The following HDAC11 variants were observed in gnomAD, a reference collection of about 807,000 sequenced individuals.
The protein encoded by HDAC11 is histone deacetylase 11.
A neutral mutation model predicts 41.1 loss-of-function variants in HDAC11; 23 were observed. The ratio of observed to expected loss-of-function variants is 0.56; its 90% CI spans 0.40 to 0.79. HDAC11 has a LOEUF of 0.79. Among genes scored for constraint, HDAC11 ranks in the 30% least tolerant of loss-of-function variants. HDAC11 has a pLI of 0.00. For missense variants in HDAC11, 402 were observed against 477.3 expected (o/e 0.84, Z 1.47); for synonymous variants, 187 against 186.6 (o/e 1.00, Z -0.02).
At chr3:13,491,996 C>T (rs1436548769) in intron 3 of HDAC11, among the ~76,000 whole-genome samples, 2 of 152,242 alleles carry the variant, frequency 1.3e-5, no homozygotes, top group African/African-American at 4.8e-5. Context: ...ATTTCTAATA[C>T]ATTCTCAAGT....
rs1701302546 is a variant in HDAC11, at chr3:13,481,242, G to T, written c.3-4G>T. 2 of 1,611,506 alleles carry T rather than the reference G, an allele frequency of 1.2e-6. No individual in the cohort carries two copies. Among genetic ancestry groups the T allele is most frequent in the African/African-American group, 1.3e-5 (1 of 74,826 alleles). On this transcript the variant is annotated splice_polypyrimidine_tract_variant and splice_region_variant and intron_variant, in intron 1 of 9. Coordinates refer to ENST00000295757, the MANE Select transcript of HDAC11 (RefSeq NM_024827.4). ...CTGTGCGTCTGTCTTTTTCCACACG[G>T]TAGGCTACACACAACCCAGCTGTAC... is the stretch of plus-strand genomic sequence containing the variant.
At position 13,480,759 on chromosome 3, in the gene HDAC11, C is replaced by T. The variant is rs1203056508; in HGVS notation, c.2+410C>T. 3 of 471,142 alleles carry T rather than the reference C, an allele frequency of 6.4e-6. No homozygotes were observed. Among genetic ancestry groups the T allele is most frequent in the Non-Finnish European group, 1.3e-5 (3 of 229,272 alleles). The allele number at this position is 471,142 out of a possible 1,614,324, so 29.2% of individuals were successfully genotyped here. A position where few individuals can be genotyped will look rare whatever the true frequency, so the allele number is the denominator to read the frequency against. On this transcript the variant is annotated intron_variant, in intron 1 of 9. Transcript: ENST00000295757. The surrounding 1 kb of genome is among the most constrained non-coding windows in gnomAD (Gnocchi z 4.6). ...CAGCGGGGTCAGGGGATCCCCGCCC[C>T]CCGCCCTGGCTCAGGTTGGGTCCCG...
chr3:13,480,386 A>G lies in HDAC11; in HGVS notation c.2+37A>G. Reference sequence around the variant, plus strand: ...GGGGCGAGGGCGGGGGTGGGCTCCCAGGGGTCCCGGTGGGCGGGCGCGCTA... The same window carrying G: ...GGGGCGAGGGCGGGGGTGGGCTCCCGGGGGTCCCGGTGGGCGGGCGCGCTA... On this transcript the variant is annotated intron_variant, in intron 1 of 9. Transcript: ENST00000295757. The surrounding 1 kb of genome is among the most constrained non-coding windows in gnomAD (Gnocchi z 4.6). 1.8e-6 allele frequency: 2 copies of G among 1,139,784 alleles called. No individual in the cohort carries two copies. The highest frequency in any genetic ancestry group is 2.2e-6 in the Non-Finnish European group (2 of 915,434). The allele number at this position is 1,139,784 out of a possible 1,614,324, so 70.6% of individuals were successfully genotyped here.
intron 3 of HDAC11, among the ~76,000 whole-genome samples, chr3:13,484,315 G>A (rs1701462011): frequency 6.6e-6 from 1 of 152,176 alleles, no homozygotes; most frequent in African/African-American, 2.4e-5. Context: ...TACTTCTGCT[G>A]AAGTTTTGTT....
chr3:13,504,429 G>A (rs1359333328), intron 9 of HDAC11, 39 bp from the exon 10 acceptor site: 3 of 1,608,986 alleles, frequency 1.9e-6, no homozygotes, highest in Non-Finnish European at 2.5e-6. Context: ...CACCATGGGG[G>A]TCTGGCCTGC....
At chr3:13,498,643 G>GGA in intron 5 of HDAC11, 88 bp downstream of exon 5, 2 of 1,319,114 alleles carry the variant, frequency 1.5e-6, no homozygotes, top group Non-Finnish European at 2.2e-6. Context: ...GGAGGATCCT[G>GGA]GAGGTGGCAG....
At chr3:13,501,799 G>A in intron 6 of HDAC11, 72 bp from the exon 7 acceptor site, 1 of 1,418,908 alleles carries the variant, frequency 7.0e-7, no homozygotes, top group Non-Finnish European at 1.0e-6. Context: ...TCGCCAGCCA[G>A]CTGGGAGTTG....
Position 13,502,209 on chromosome 3 carries a change from G to C in HDAC11, c.552+276G>C. On this transcript the variant is annotated intron_variant, in intron 7 of 9. Transcript: ENST00000295757. The surrounding 1 kb of genome is among the most constrained non-coding windows in gnomAD (Gnocchi z 4.1). ...TCTGATGGGACTGCTCTCGTGTGCA[G>C]AGCTCTGCTGTGGGTCCCCATTGCT... is the stretch of plus-strand genomic sequence containing the variant. 3 of 456,012 alleles carry C rather than the reference G, an allele frequency of 6.6e-6. 1 individual carries two copies. Among genetic ancestry groups the C allele is most frequent in the Non-Finnish European group, 1.2e-5 (3 of 254,154 alleles). 28.2% of individuals were successfully genotyped at this position (456,012 alleles called of 1,614,324 possible). A position where few individuals can be genotyped will look rare whatever the true frequency, so the allele number is the denominator to read the frequency against.
intron 3 of HDAC11, among the ~76,000 whole-genome samples, chr3:13,493,510 G>C (rs1264793518): frequency 5.9e-5 from 9 of 152,248 alleles, no homozygotes; most frequent in Admixed American, 5.2e-4. Flanking sequence ...GAAATATGGA[G>C]AGTGTAACTG....
intron 5 of HDAC11, among the ~76,000 whole-genome samples, chr3:13,499,651 G>A (rs534486327): frequency 2.6e-5 from 4 of 152,276 alleles, no homozygotes; most frequent in Admixed American, 2.6e-4. Flanking sequence ...GTTGAGGGGA[G>A]CCCCACTCTG....
intron 3 of HDAC11, among the ~76,000 whole-genome samples, chr3:13,485,995 C>T (rs1272926898): frequency 1.3e-5 from 2 of 152,022 alleles, no homozygotes; most frequent in Non-Finnish European, 2.9e-5. Context: ...AGGCCGGGTG[C>T]AGTGACTCAT....
intron 1 of HDAC11, 69 bp from the exon 2 acceptor site, chr3:13,481,177 G>T: frequency 6.6e-7 from 1 of 1,525,252 alleles, no homozygotes; most frequent in Non-Finnish European, 8.8e-7. Flanking sequence ...CAGTCCAGGC[G>T]GGCTCGGGAG....
intron 3 of HDAC11, among the ~76,000 whole-genome samples, chr3:13,489,012 C>T (rs948698888): frequency 6.6e-6 from 1 of 152,140 alleles, no homozygotes; most frequent in South Asian, 2.1e-4. Flanking sequence ...GGCTAATTAA[C>T]ACTGAGGATC....
chr3:13,496,761 C>T lies in HDAC11; in HGVS notation c.278C>T (p.Thr93Ile). ...LKWSFAVATI[T>I]EIPPVIFLPN... ...TGGTCCTTTGCTGTTGCTACCATCA[C>T]AGAAATCCCCCCCGTTATCTTCCTC... Residue 93 changes from threonine to isoleucine, a missense_variant, in exon 4 of 10, where the codon ACA becomes ATA. By Grantham distance (89) the Thr-to-Ile change is moderately conservative. Coordinates refer to ENST00000295757, the MANE Select transcript of HDAC11 (RefSeq NM_024827.4). 6.2e-7 allele frequency: 1 copy of T among 1,607,554 alleles called. No individual in the cohort carries two copies. The highest frequency in any genetic ancestry group is 1.3e-5 in the African/African-American group (1 of 74,720).
rs147634951 is a variant in HDAC11 at position 13,491,604 on chromosome 3, C to T, written c.253-5132C>T. 4.3e-4 allele frequency among the ~76,000 whole-genome samples: 65 copies of T among 152,262 alleles called. No individual in the cohort carries two copies. In the East Asian group the frequency reaches 0.011, roughly 26 times the overall value. ...GGTTTGAACCTGAGGGCAGCGGGTCCGCCTGAGGAAACCAGGTGTCTGGAA... is the reference window on the plus strand; with the variant it reads ...GGTTTGAACCTGAGGGCAGCGGGTCTGCCTGAGGAAACCAGGTGTCTGGAA... On this transcript the variant is annotated intron_variant, in intron 3 of 9. Coordinates refer to ENST00000295757, the MANE Select transcript of HDAC11 (RefSeq NM_024827.4).
chr3:13,499,563 T>G (rs1465151689), intron 5 of HDAC11, among the ~76,000 whole-genome samples: 7 of 152,218 alleles, frequency 4.6e-5, no homozygotes, highest in African/African-American at 1.7e-4. Flanking sequence ...TACTGGATCG[T>G]GTAGAGCCCT....
chr3:13,496,987 A>G (rs1177506189), intron 4 of HDAC11, 135 bp downstream of exon 4: 3 of 515,610 alleles, frequency 5.8e-6, no homozygotes, highest in Non-Finnish European at 1.0e-5. Flanking sequence ...AGGCTCGGCA[A>G]CAATGACCCT....
rs1287189972 is a variant in HDAC11 at position 13,496,717 on chromosome 3, C to T, written c.253-19C>T. 5 of 1,539,042 alleles carry T rather than the reference C, an allele frequency of 3.2e-6. No homozygotes were observed. Among genetic ancestry groups the T allele is most frequent in the African/African-American group, 1.4e-5 (1 of 72,524 alleles). On this transcript the variant is annotated intron_variant, in intron 3 of 9. Coordinates refer to ENST00000295757, the MANE Select transcript of HDAC11 (RefSeq NM_024827.4). ...AGGGTGGGGAAGCGGAGGCCAACAGCCCCTGTCTTTTTCCGCAGTGGTCCT... is the reference window on the plus strand; with the variant it reads ...AGGGTGGGGAAGCGGAGGCCAACAGTCCCTGTCTTTTTCCGCAGTGGTCCT...
chr3:13,498,108 G>A (rs1294421795), intron 4 of HDAC11, among the ~76,000 whole-genome samples: 1 of 151,972 alleles, frequency 6.6e-6, no homozygotes, highest in African/African-American at 2.4e-5. Context: ...CGCCTGCCTC[G>A]GCCTCCCAAA....
Sources: allele counts gnomAD v4.1 joint callset (sites outside exome capture counted in the v4.1 genomes callset), GRCh38; gene constraint gnomAD v4.1.1; non-coding constraint Gnocchi (gnomAD v3.1); transcripts MANE v1.5; gene names NCBI Gene and HGNC (gene_info 2026-07-23, HGNC 2026-07-21).